CUBN: variants seen among roughly 807,000 people sequenced by gnomAD.
CUBN encodes the protein 460 kDa receptor.
In CUBN, 282 loss-of-function variants were observed where a neutral mutation model predicts 405.3. That is an observed-to-expected ratio of 0.70 (90% CI 0.63 to 0.77). CUBN has a LOEUF of 0.77. CUBN is among the 30% of genes least tolerant of loss of function. The probability of loss-of-function intolerance (pLI) is 0.00; values close to 1 mark genes in which losing one functional copy is unlikely to be tolerated. For missense variants in CUBN, 4,514 were observed against 4,475.2 expected (o/e 1.01, Z -0.25); for synonymous variants, 1,684 against 1,617.0 (o/e 1.04, Z -0.99).
At chr10:16,960,216 G>A (rs1364268465) in intron 31 of CUBN, among the ~76,000 whole-genome samples, 5 of 152,224 alleles carry the variant, frequency 3.3e-5, no homozygotes, top group African/African-American at 9.6e-5. Flanking sequence ...ATGAGGCCGG[G>A]TGCAGTGGCT....
intron 53 of CUBN, 121 bp from the exon 54 acceptor site, chr10:16,899,304 A>G (rs1306843558): frequency 3.8e-6 from 3 of 792,134 alleles, no homozygotes; most frequent in Admixed American, 3.9e-5. Context: ...TTTACAAGTG[A>G]TCATCTTCCA....
intron 15 of CUBN, among the ~76,000 whole-genome samples, chr10:17,086,692 G>A (rs940567178): frequency 1.3e-5 from 2 of 152,044 alleles, no homozygotes; most frequent in Non-Finnish European, 2.9e-5. Context: ...AGGAGTCAAT[G>A]AACTAAAGAA....
At chr10:17,111,600 T>C (rs1836773421) in intron 8 of CUBN, among the ~76,000 whole-genome samples, 1 of 152,196 alleles carries the variant, frequency 6.6e-6, no homozygotes, top group Non-Finnish European at 1.5e-5. Context: ...ACACACACAT[T>C]GAAAGAATTT....
intron 28 of CUBN, among the ~76,000 whole-genome samples, chr10:17,013,230 T>G (rs1834231365): frequency 6.6e-6 from 1 of 152,172 alleles, no homozygotes; most frequent in African/African-American, 2.4e-5. Flanking sequence ...TGTCTGTCTC[T>G]TCCTCTCTCT....
In CUBN at chr10:17,127,871, C is replaced by G; in HGVS notation, c.306G>C (p.Leu102=). 6.2e-7 allele frequency: 1 copy of G among 1,613,102 alleles called. No individual in the cohort carries two copies. Among genetic ancestry groups the G allele is most frequent in the Non-Finnish European group, 8.5e-7 (1 of 1,179,268 alleles). The change falls in exon 3 of 67, where the codon CTG becomes CTC. Residue 102 remains leucine, a synonymous_variant. Coordinates refer to ENST00000377833, the MANE Select transcript of CUBN (RefSeq NM_001081.4). ...AGATTTGACTAGATATATTTTGAGG[C>G]AGACCAATTGCACTCCCTTTTAACT... ...IIELKGSAIG[L]PQNISSQIYQ...
intron 29 of CUBN, among the ~76,000 whole-genome samples, chr10:16,987,214 AT>A (rs2131707767): frequency 6.6e-6 from 1 of 152,366 alleles, no homozygotes; most frequent in African/African-American, 2.4e-5. Context: ...GACCGAAACA[AT>A]GGTCCTTCTG....
rs531126138 is a variant in CUBN at position 16,915,294 on chromosome 10, G to A, written c.7211-122C>T. 2.7e-4 allele frequency: 307 copies of A among 1,125,944 alleles called. 3 individuals carry two copies. In the South Asian group the frequency reaches 3.3e-3, roughly 12 times the overall value. 69.7% of individuals were successfully genotyped at this position (1,125,944 alleles called of 1,614,324 possible). A position where few individuals can be genotyped will look rare whatever the true frequency, so the allele number is the denominator to read the frequency against. On this transcript the variant is annotated intron_variant, in intron 46 of 66. Transcript: ENST00000377833. The stretch of plus-strand genomic sequence containing the variant: ...AACAAGACCCTGCCTATGAAGAAAC[G>A]TTAATCTCTGTCAAGACAACAGGAA...
intron 31 of CUBN, among the ~76,000 whole-genome samples, chr10:16,976,209 T>C (rs1833088395): frequency 6.6e-6 from 1 of 152,082 alleles, no homozygotes; most frequent in Non-Finnish European, 1.5e-5. Flanking sequence ...TGGGCTCAAG[T>C]GATCCTCTTG....
At chr10:16,968,452 G>A (rs549036308) in intron 31 of CUBN, among the ~76,000 whole-genome samples, 4 of 152,186 alleles carry the variant, frequency 2.6e-5, no homozygotes, top group South Asian at 4.1e-4. Flanking sequence ...GTTAGCCCTC[G>A]TTTGTGTTTT....
At chr10:16,879,290 T>C (rs1388958797) in intron 56 of CUBN, among the ~76,000 whole-genome samples, 1 of 152,240 alleles carries the variant, frequency 6.6e-6, no homozygotes, top group Non-Finnish European at 1.5e-5. Context: ...CATTGTGATA[T>C]TTAATTTTAA....
At chr10:16,856,368 A>C (rs1352058105) in intron 59 of CUBN, among the ~76,000 whole-genome samples, 1 of 152,152 alleles carries the variant, frequency 6.6e-6, no homozygotes, top group Non-Finnish European at 1.5e-5. Context: ...TCTCTCACAC[A>C]AAAGAGCCAT....
chr10:16,952,954 C>T (rs1323359501), intron 32 of CUBN, among the ~76,000 whole-genome samples: 2 of 152,130 alleles, frequency 1.3e-5, no homozygotes, highest in African/African-American at 4.8e-5. Context: ...CCTGAGCAGA[C>T]ACAGAGGAGC....
intron 60 of CUBN, among the ~76,000 whole-genome samples, 159 bp from the exon 61 acceptor site, chr10:16,841,206 A>G (rs1839338127): frequency 6.6e-6 from 1 of 152,204 alleles, no homozygotes; most frequent in African/African-American, 2.4e-5. Flanking sequence ...AATTGGATTG[A>G]TTATATTATG....
chr10:17,034,832 G>T (rs759250586), intron 27 of CUBN, among the ~76,000 whole-genome samples: 5 of 152,088 alleles, frequency 3.3e-5, no homozygotes, highest in African/African-American at 4.8e-5. Flanking sequence ...GAGATGTCTT[G>T]TTCCCCCAAA....
chr10:17,015,159 A>T (rs1564479298), intron 28 of CUBN, among the ~76,000 whole-genome samples: 2 of 152,160 alleles, frequency 1.3e-5, no homozygotes, highest in African/African-American at 4.8e-5. Flanking sequence ...ATATCCTGTA[A>T]TCCTTTATGA....
At chr10:16,885,149 T>C (rs117521166) in intron 56 of CUBN, among the ~76,000 whole-genome samples, 3,823 of 152,324 alleles carry the variant, frequency 0.025, 67 homozygotes, top group Non-Finnish European at 0.04. Context: ...TCAATAAATG[T>C]CAGCATTGAT....
Position 17,081,919 on chromosome 10 carries a change from T to C in CUBN, c.2301+2352A>G, listed in dbSNP as rs187937952. Reference sequence around the variant, plus strand: ...AAGATATAATATAAAAATCTATCTATTAATATTTAAATCACCGTACATGAC... The same window carrying C: ...AAGATATAATATAAAAATCTATCTACTAATATTTAAATCACCGTACATGAC... On this transcript the variant is annotated intron_variant, in intron 17 of 66. Coordinates refer to ENST00000377833, the MANE Select transcript of CUBN (RefSeq NM_001081.4). 6.2e-4 allele frequency among the ~76,000 whole-genome samples: 95 copies of C among 152,310 alleles called. No individual in the cohort carries two copies. In the East Asian group the frequency reaches 0.013, roughly 21 times the overall value.
chr10:17,033,896 ATGT>A (rs1014623694), intron 27 of CUBN, among the ~76,000 whole-genome samples: 101 of 152,214 alleles, frequency 6.6e-4, no homozygotes, highest in African/African-American at 2.4e-3. Flanking sequence ...TATATGGAAA[ATGT>A]TGTTTAGGCT....
At chr10:17,069,616 T>C (rs1376531327) in intron 19 of CUBN, among the ~76,000 whole-genome samples, 1 of 152,214 alleles carries the variant, frequency 6.6e-6, no homozygotes, top group Non-Finnish European at 1.5e-5. Context: ...CAATCATAGC[T>C]CACTGCAGCC....
Sources: allele counts gnomAD v4.1 joint callset (sites outside exome capture counted in the v4.1 genomes callset), GRCh38; gene constraint gnomAD v4.1.1; transcripts MANE v1.5; gene names NCBI Gene and HGNC (gene_info 2026-07-23, HGNC 2026-07-21).